The following TRIM24 variants were observed in gnomAD, a reference collection of about 807,000 sequenced individuals.
TRIM24 encodes the protein tripartite motif containing 24.
A neutral mutation model predicts 123.9 loss-of-function variants in TRIM24; 29 were observed. The ratio of observed to expected loss-of-function variants is 0.23; its 90% CI spans 0.17 to 0.32. TRIM24 has a LOEUF of 0.32. Among genes scored for constraint, TRIM24 ranks in the 10% least tolerant of loss-of-function variants. The probability of loss-of-function intolerance (pLI) is 1.00; values close to 1 mark genes in which losing one functional copy is unlikely to be tolerated. For synonymous variants in TRIM24, 456 were observed against 461.1 expected (o/e 0.99, Z 0.14); for missense variants, 932 against 1,295.3 (o/e 0.72, Z 4.31).
chr7:138,562,076 T>C (rs1389483568), intron 9 of TRIM24, among the ~76,000 whole-genome samples: 1 of 152,210 alleles, frequency 6.6e-6, no homozygotes, highest in Non-Finnish European at 1.5e-5. Context: ...GATTTGAGCC[T>C]TCTTCCTGGA....
intron 7 of TRIM24, among the ~76,000 whole-genome samples, chr7:138,542,854 C>T (rs2116615925): frequency 6.6e-6 from 1 of 152,252 alleles, no homozygotes; most frequent in African/African-American, 2.4e-5. Flanking sequence ...GTATTTAATT[C>T]TTAGGATTTG....
rs562275556 is a variant in TRIM24 at position 138,555,419 on chromosome 7, CT to C, written c.1530+458del. ...AGAAGTGTGATTCATTATAATCTAC[CT>C]TTTTCAAACTTTATTTCTGAGCAAA... On this transcript the variant is annotated intron_variant, in intron 9 of 18. Coordinates refer to ENST00000343526, the MANE Select transcript of TRIM24 (RefSeq NM_015905.3). Among the ~76,000 whole-genome samples the C allele has an allele frequency of 8.6e-5, 13 of 151,890 alleles. No homozygotes were observed. In the South Asian group the frequency reaches 2.7e-3, roughly 32 times the overall value.
At chr7:138,559,012 C>A (rs1235762883) in intron 9 of TRIM24, among the ~76,000 whole-genome samples, 1 of 152,142 alleles carries the variant, frequency 6.6e-6, no homozygotes, top group African/African-American at 2.4e-5. Context: ...TACCTCCTGG[C>A]AAACATTGAA....
At chr7:138,581,840 A>G in intron 17 of TRIM24, 69 bp downstream of exon 17, 1 of 1,200,410 alleles carries the variant, frequency 8.3e-7, no homozygotes, top group Non-Finnish European at 1.2e-6. Flanking sequence ...ATGAGAATCT[A>G]GCTTATATTA....
chr7:138,528,195 C>T (rs1796652248), intron 5 of TRIM24, among the ~76,000 whole-genome samples: 1 of 152,190 alleles, frequency 6.6e-6, no homozygotes, highest in Non-Finnish European at 1.5e-5. Flanking sequence ...CCCGCCCAGG[C>T]ATGTCTCATG....
At chr7:138,550,508 A>C (rs1373150326) in intron 7 of TRIM24, among the ~76,000 whole-genome samples, 1 of 152,126 alleles carries the variant, frequency 6.6e-6, no homozygotes, top group African/African-American at 2.4e-5. Flanking sequence ...GGATTGAGGG[A>C]GAATGAGTAG....
intron 12 of TRIM24, among the ~76,000 whole-genome samples, chr7:138,575,456 CTAAT>C (rs1414310147): frequency 7.1e-6 from 1 of 140,848 alleles, no homozygotes; most frequent in Non-Finnish European, 1.5e-5. Flanking sequence ...CCAGGCCTGG[CTAAT>C]TTTTTTTTTT....
Position 138,537,397 on chromosome 7 carries a change from T to TG in TRIM24, c.997-1260_997-1259insG, listed in dbSNP as rs1796911829. On this transcript the variant is annotated intron_variant, in intron 6 of 18. Transcript: ENST00000343526. Reference sequence around the variant, plus strand: ...CCTGTTTGTTTTTTTTTTTTTTTTTTTTTTTTTTTTTGTAAAGACGTGGTC... The same window carrying TG: ...CCTGTTTGTTTTTTTTTTTTTTTTTTGTTTTTTTTTTTGTAAAGACGTGGTC... Among the ~76,000 whole-genome samples, 2 of 139,220 alleles carry TG rather than the reference T, an allele frequency of 1.4e-5. 1 individual carries two copies. The highest frequency in any genetic ancestry group is 3.1e-5 in the Non-Finnish European group (2 of 64,244). 91.3% of individuals were successfully genotyped at this position (139,220 alleles called of 152,430 possible). A position where few individuals can be genotyped will look rare whatever the true frequency, so the allele number is the denominator to read the frequency against.
chr7:138,482,408 G>A (rs1396322445), intron 1 of TRIM24, among the ~76,000 whole-genome samples: 1 of 151,966 alleles, frequency 6.6e-6, no homozygotes, highest in Non-Finnish European at 1.5e-5. Flanking sequence ...TAGGCTATTG[G>A]GATTATGAGA....
intron 17 of TRIM24, among the ~76,000 whole-genome samples, chr7:138,582,851 G>GAAAT (rs1797931426): frequency 6.6e-6 from 1 of 152,160 alleles, no homozygotes; most frequent in Admixed American, 6.5e-5. Context: ...CTTGATATAG[G>GAAAT]AAATAAATAC....
chr7:138,487,755 T>A (rs1186127221), intron 1 of TRIM24, among the ~76,000 whole-genome samples: 1 of 152,202 alleles, frequency 6.6e-6, no homozygotes, highest in African/African-American at 2.4e-5. Context: ...GCCAGTATTT[T>A]ATTGAGAATT....
intron 2 of TRIM24, among the ~76,000 whole-genome samples, chr7:138,513,592 A>G (rs964543403): frequency 1.3e-5 from 2 of 152,034 alleles, no homozygotes; most frequent in African/African-American, 4.8e-5. Flanking sequence ...CACTTAAACA[A>G]CTAGATCTCG....
At chr7:138,487,297 G>C (rs1005255993) in intron 1 of TRIM24, among the ~76,000 whole-genome samples, 2 of 152,196 alleles carry the variant, frequency 1.3e-5, no homozygotes, top group African/African-American at 4.8e-5. Flanking sequence ...GGGACAATTT[G>C]ACTTCCTCTT....
intron 6 of TRIM24, 129 bp from the exon 7 acceptor site, chr7:138,538,526 CAG>C (rs1796938928): frequency 3.8e-6 from 4 of 1,039,072 alleles, no homozygotes; most frequent in South Asian, 1.7e-5. Context: ...ATAGGGAAAA[CAG>C]AGTATTTTTA....
rs564530883 is a variant in TRIM24 at position 138,579,208 on chromosome 7, A to G, written c.2261A>G (p.Asn754Ser). Residue 754 changes from asparagine (N) to serine (S), a missense_variant, in exon 15 of 19, where the codon AAT becomes AGT. Asn to Ser is a conservative substitution (Grantham distance 46). Transcript: ENST00000343526. ...SDEESRPQNANYPRSILTSLL... is the reference protein window; with the variant it reads ...SDEESRPQNASYPRSILTSLL... ...TATATTTTTTTTCTACTACAGGCCA[A>G]TTATCCAAGAAGCATACTCACCTCC... is the stretch of plus-strand genomic sequence containing the variant. 3.7e-5 allele frequency: 58 copies of G among 1,564,260 alleles called. No individual in the cohort carries two copies. The South Asian group carries it at 6.4e-4, about 17-fold the overall frequency.
intron 1 of TRIM24, among the ~76,000 whole-genome samples, chr7:138,484,923 T>TC (rs773938693): frequency 3.9e-5 from 6 of 152,090 alleles, no homozygotes; most frequent in Non-Finnish European, 8.8e-5. Context: ...TTTCTTTTTT[T>TC]CTAGGAATTT....
chr7:138,490,331 A>G (rs930327128), intron 1 of TRIM24, among the ~76,000 whole-genome samples: 2 of 152,134 alleles, frequency 1.3e-5, no homozygotes, highest in African/African-American at 4.8e-5. Flanking sequence ...TGTTATTACC[A>G]ACCTTCTGAT....
chr7:138,554,929 TGCAGGGGCCCATCCA>T lies in TRIM24; in HGVS notation c.1497_1511del (p.Gly500_Gln504del). The T allele has an allele frequency of 6.2e-7, 1 of 1,614,136 alleles. No individual in the cohort carries two copies. The highest frequency in any genetic ancestry group is 1.1e-5 in the South Asian group (1 of 91,082). On this transcript the variant is annotated inframe_deletion, in exon 9 of 19. Coordinates refer to ENST00000343526, the MANE Select transcript of TRIM24 (RefSeq NM_015905.3). The surrounding 1 kb of genome is among the most constrained non-coding windows in gnomAD (Gnocchi z 4.5). ...CCTGTGGGTTTACCAAACCCTAGAATGCAGGGGCCCATCCAGCAACCTTCCATCTCTCATCAGGTA... is the reference window on the plus strand; with the variant it reads ...CCTGTGGGTTTACCAAACCCTAGAATGCAACCTTCCATCTCTCATCAGGTA...
At chr7:138,473,320 T>C (rs1795317851) in intron 1 of TRIM24, among the ~76,000 whole-genome samples, 1 of 152,228 alleles carries the variant, frequency 6.6e-6, no homozygotes. Flanking sequence ...AAACTTCATT[T>C]CAAATTAATG....
Sources: allele counts gnomAD v4.1 joint callset (sites outside exome capture counted in the v4.1 genomes callset), GRCh38; gene constraint gnomAD v4.1.1; non-coding constraint Gnocchi (gnomAD v3.1); transcripts MANE v1.5; gene names NCBI Gene and HGNC (gene_info 2026-07-23, HGNC 2026-07-21).